SIPA1L3: variants seen among roughly 807,000 people sequenced by gnomAD.
SIPA1L3 encodes signal-induced proliferation-associated 1-like protein 3.
Under a neutral mutation model 150.1 loss-of-function variants are expected in SIPA1L3, and 59 were observed. That is an observed-to-expected ratio of 0.39 (90% CI 0.32 to 0.49). The LOEUF (loss-of-function observed/expected upper bound fraction) is 0.49, where lower values mean the gene tolerates loss of function less well. Ranked by LOEUF, SIPA1L3 falls within the 20% of genes least tolerant of loss-of-function variation. The pLI, the probability that SIPA1L3 is intolerant of heterozygous loss-of-function variation, is 0.86. For synonymous variants in SIPA1L3, 1,070 were observed against 1,077.6 expected (o/e 0.99, Z 0.14); for missense variants, 2,211 against 2,489.5 (o/e 0.89, Z 2.38).
intron 1 of SIPA1L3, among the ~76,000 whole-genome samples, chr19:37,944,898 C>T (rs180950489): frequency 2.7e-3 from 415 of 152,152 alleles, no homozygotes; most frequent in Non-Finnish European, 4.8e-3. Flanking sequence ...TGGAGTAAGC[C>T]GAGGTTGTTG....
chr19:37,907,501 C>G (rs1468653612), intron 1 of SIPA1L3, 143 bp downstream of exon 1: 1 of 152,308 alleles, frequency 6.6e-6, no homozygotes, highest in African/African-American at 2.4e-5. Flanking sequence ...CTCGCGCCCT[C>G]CGGACCCAGC....
chr19:38,006,921 T>G (rs927994830), intron 1 of SIPA1L3, among the ~76,000 whole-genome samples: 2 of 152,192 alleles, frequency 1.3e-5, no homozygotes, highest in Admixed American at 6.5e-5. Context: ...AATAAGGCAC[T>G]AGAGGAATCA....
chr19:38,194,843 G>T (rs111921448), intron 18 of SIPA1L3, among the ~76,000 whole-genome samples: 11 of 152,190 alleles, frequency 7.2e-5, no homozygotes, highest in African/African-American at 2.7e-4. Flanking sequence ...CTGAGGTCAG[G>T]AGTTCGAGAC....
intron 2 of SIPA1L3, among the ~76,000 whole-genome samples, chr19:38,034,665 C>T (rs1488676772): frequency 1.3e-5 from 2 of 152,162 alleles, no homozygotes; most frequent in Non-Finnish European, 2.9e-5. Flanking sequence ...ATCACATCCG[C>T]CCCTGTGTAA....
At chr19:37,959,786 AT>A (rs2046841053) in intron 1 of SIPA1L3, among the ~76,000 whole-genome samples, 2 of 106,216 alleles carry the variant, frequency 1.9e-5, no homozygotes, top group African/African-American at 7.1e-5. Flanking sequence ...CTAGTGTTTC[AT>A]TTTTATTTTG....
At chr19:38,061,289 C>T (rs1969440409) in intron 2 of SIPA1L3, among the ~76,000 whole-genome samples, 1 of 151,710 alleles carries the variant, frequency 6.6e-6, no homozygotes, top group Admixed American at 6.6e-5. Context: ...GTCTTGAATT[C>T]CTGGCCTCAA....
intron 7 of SIPA1L3, among the ~76,000 whole-genome samples, chr19:38,106,877 C>T (rs773716884): frequency 2.2e-4 from 33 of 152,372 alleles, no homozygotes; most frequent in Non-Finnish European, 4.3e-4. Context: ...GCTAGCCCGA[C>T]GCCCCTCCAG....
intron 7 of SIPA1L3, among the ~76,000 whole-genome samples, chr19:38,107,282 G>A (rs1170972847): frequency 6.6e-6 from 1 of 152,230 alleles, no homozygotes; most frequent in Non-Finnish European, 1.5e-5. Context: ...GGGGCCTGGG[G>A]TAGGGGTGGA....
At chr19:37,923,233 C>T (rs927506051) in intron 1 of SIPA1L3, among the ~76,000 whole-genome samples, 5 of 152,056 alleles carry the variant, frequency 3.3e-5, no homozygotes, top group African/African-American at 1.2e-4. Flanking sequence ...GAAGCAGTCA[C>T]GCATGGCTTC....
chr19:37,946,240 G>C (rs1028757036), intron 1 of SIPA1L3, among the ~76,000 whole-genome samples: 8 of 151,892 alleles, frequency 5.3e-5, no homozygotes, highest in Non-Finnish European at 1.2e-4. Context: ...CAGGAGTTCT[G>C]GTTTCCTGGA....
rs146128014 is a variant in SIPA1L3 at position 38,198,443 on chromosome 19, G to A, written c.4895G>A (p.Arg1632Gln). Residue 1632 changes from arginine to glutamine, a missense_variant, in exon 19 of 22, where the codon CGG (arginine) becomes CAG (glutamine). Coordinates refer to ENST00000222345, the MANE Select transcript of SIPA1L3 (RefSeq NM_015073.3). ...SLADGRDRPL[R>Q]RLDPGLMPLP... Reference sequence around the variant, plus strand: ...GCTGATGGGCGGGACCGCCCCCTGCGGCGCCTGGACCCTGGGCTGATGCCC... The same window carrying A: ...GCTGATGGGCGGGACCGCCCCCTGCAGCGCCTGGACCCTGGGCTGATGCCC... 1.4e-5 allele frequency: 23 copies of A among 1,602,854 alleles called. No homozygotes were observed. The highest frequency in any genetic ancestry group is 4.0e-5 in the African/African-American group (3 of 74,220).
chr19:38,059,311 A>ATT (rs35717284), intron 2 of SIPA1L3, among the ~76,000 whole-genome samples: 1,675 of 113,842 alleles, frequency 0.015, 70 homozygotes, highest in East Asian at 0.031. Flanking sequence ...AACAGCTGAG[A>ATT]TTTTTTTTTT....
rs537949042 is a variant in SIPA1L3 at position 38,164,777 on chromosome 19, G to A, written c.4079G>A (p.Arg1360Gln). 2.9e-5 allele frequency: 47 copies of A among 1,612,422 alleles called. No individual in the cohort carries two copies. Among genetic ancestry groups the A allele is most frequent in the African/African-American group, 4.0e-5 (3 of 75,028 alleles). The change falls in exon 15 of 22, where the codon CGG (arginine) becomes CAG (glutamine). Residue 1360 changes from arginine (R) to glutamine (Q), a missense_variant. Arg to Gln is a conservative substitution (Grantham distance 43). This residue lies in a region of SIPA1L3 where 806 missense variants were observed against 870.1 expected (regional missense o/e 0.93). Transcript: ENST00000222345. The surrounding 1 kb of genome is among the most constrained non-coding windows in gnomAD (Gnocchi z 4.1). ...GGGAGGTCCCACCACGCAGACAGGC[G>A]GCGGGAGGTCTCCCCTGCCCCCGCA... is the stretch of plus-strand genomic sequence containing the variant. ...AAGRSHHADRRREVSPAPAVA... is the reference protein window; with the variant it reads ...AAGRSHHADRQREVSPAPAVA...
intron 19 of SIPA1L3, 44 bp downstream of exon 19, chr19:38,198,576 T>G (rs1409447757): frequency 6.9e-7 from 1 of 1,453,104 alleles, no homozygotes; most frequent in African/African-American, 1.5e-5. Flanking sequence ...CACCCCGTCC[T>G]CTGTTCTAGA....
chr19:38,070,051 C>T (rs855603), intron 2 of SIPA1L3, among the ~76,000 whole-genome samples: 26,360 of 151,750 alleles, frequency 0.17, 2,557 homozygotes, highest in African/African-American at 0.26. Flanking sequence ...CCCGAGCATC[C>T]CCATCTGGCC....
At chr19:37,952,113 C>T (rs2046769946) in intron 1 of SIPA1L3, among the ~76,000 whole-genome samples, 1 of 152,032 alleles carries the variant, frequency 6.6e-6, no homozygotes, top group African/African-American at 2.4e-5. Context: ...AGCTTTCTTC[C>T]TATGGAGGTG....
At chr19:38,103,314 G>A (rs1362954972) in intron 6 of SIPA1L3, among the ~76,000 whole-genome samples, 1 of 152,002 alleles carries the variant, frequency 6.6e-6, no homozygotes, top group African/African-American at 2.4e-5. Flanking sequence ...CTTATCATGT[G>A]TATGTGTACA....
chr19:38,205,798 G>T (rs537643316), intron 21 of SIPA1L3, among the ~76,000 whole-genome samples: 1 of 152,164 alleles, frequency 6.6e-6, no homozygotes, highest in Non-Finnish European at 1.5e-5. Flanking sequence ...GGTGGGATGC[G>T]GTGACAATAG....
At chr19:38,084,622 T>C (rs1970083435) in intron 3 of SIPA1L3, among the ~76,000 whole-genome samples, 1 of 147,964 alleles carries the variant, frequency 6.8e-6, no homozygotes, top group South Asian at 2.1e-4. Flanking sequence ...TTTTTTGTTG[T>C]TTTTTTCTTT....
Sources: gnomAD v4.1 joint callset for allele counts (sites outside exome capture counted in the v4.1 genomes callset) on GRCh38, gnomAD v4.1.1 for gene constraint, gnomAD v4.1.1 regional missense constraint, Gnocchi (gnomAD v3.1) non-coding constraint, MANE v1.5 for transcripts, NCBI Gene and HGNC (gene_info 2026-07-23, HGNC 2026-07-21) for gene names.